JAM2: variants seen among roughly 807,000 people sequenced by gnomAD.
The protein encoded by JAM2 is junctional adhesion molecule 2.
JAM2 carries 17 observed loss-of-function variants against 42.0 expected under a neutral mutation model. The observed-to-expected ratio is 0.40, with a 90% CI of 0.28 to 0.61. The LOEUF is 0.61. Among genes scored for constraint, JAM2 ranks in the 20% least tolerant of loss-of-function variants. The pLI is 0.37. For missense variants in JAM2, 319 were observed against 358.3 expected, an observed-to-expected ratio of 0.89 and a Z score of 0.89; for synonymous variants, 118 against 128.6, an observed-to-expected ratio of 0.92 and a Z score of 0.56.
rs569678266 is a variant in JAM2 at position 25,712,226 on chromosome 21, T to C, written c.822-114T>C. The stretch of plus-strand genomic sequence containing the variant: ...TGTCTTTTTTTCTACCTAAGATATA[T>C]GTTCATGTTCTTGCTGAGAAAATGT... On this transcript the variant is annotated intron_variant, in intron 8 of 9. Transcript: ENST00000480456. 38 of 752,154 alleles carry C rather than the reference T, an allele frequency of 5.1e-5. No homozygotes were observed. The African/African-American group carries it at 6.3e-4, about 13-fold the overall frequency. The allele number at this position is 752,154 out of a possible 1,614,324, so 46.6% of individuals were successfully genotyped here.
chr21:25,706,164 G>C (rs1292085679), intron 7 of JAM2, 78 bp downstream of exon 7: 6 of 958,576 alleles, frequency 6.3e-6, no homozygotes, highest in Non-Finnish European at 1.0e-5. Context: ...GTTTCTCCTA[G>C]GAAGTTGTTT....
In JAM2 at chr21:25,657,039, C is replaced by T. The variant is rs143277594; in HGVS notation, c.67+17151C>T. 2.2e-3 allele frequency among the ~76,000 whole-genome samples: 334 copies of T among 152,186 alleles called. 3 individuals are homozygous for T. The highest frequency in any genetic ancestry group is 7.6e-3 in the African/African-American group (315 of 41,514). On this transcript the variant is annotated intron_variant, in intron 1 of 9. Transcript: ENST00000480456. ...AACACTTCTTTTATAGAGCAGTTAT[C>T]CCACTTATATGAATATTGAATACAA...
chr21:25,693,887 A>G lies in JAM2; in HGVS notation c.373A>G (p.Thr125Ala). 2 of 1,614,206 alleles carry G rather than the reference A, an allele frequency of 1.2e-6. No homozygotes were observed. Among genetic ancestry groups the G allele is most frequent in the East Asian group, 2.2e-5 (1 of 44,882 alleles). The change falls in exon 4 of 10, where the codon ACA becomes GCA. Residue 125 changes from threonine (T) to alanine (A), a missense_variant. By Grantham distance (58) the Thr-to-Ala change is moderately conservative (BLOSUM62 0). Coordinates refer to ENST00000480456, the MANE Select transcript of JAM2 (RefSeq NM_021219.4). Reference sequence around the variant, plus strand: ...GCAAGGCCAAAACCTGGAAGAGGATACAGTCACTCTGGAAGTATTAGGTGA... The same window carrying G: ...GCAAGGCCAAAACCTGGAAGAGGATGCAGTCACTCTGGAAGTATTAGGTGA... The part of the protein sequence containing the change: ...SEQGQNLEED[T>A]VTLEVLVAPA...
intron 1 of JAM2, among the ~76,000 whole-genome samples, chr21:25,680,399 C>CAG (rs2033601432): frequency 6.6e-6 from 1 of 152,190 alleles, no homozygotes; most frequent in South Asian, 2.1e-4. Flanking sequence ...ATGGATGACT[C>CAG]ACAATTCTTA....
rs373679129 is a variant in JAM2, at chr21:25,640,519, G to T, written c.67+631G>T. Among the ~76,000 whole-genome samples the T allele has an allele frequency of 3.1e-3, 475 of 152,344 alleles. 2 individuals carry two copies. The highest frequency in any genetic ancestry group is 0.011 in the African/African-American group (453 of 41,586). On this transcript the variant is annotated intron_variant, in intron 1 of 9. Transcript: ENST00000480456. ...GTCCTCAGGGGACATCCAACGGGAC[G>T]ATTGTTAGAAAGATTCAGAAGCCAC... is the stretch of plus-strand genomic sequence containing the variant.
intron 1 of JAM2, among the ~76,000 whole-genome samples, chr21:25,660,438 C>T (rs1241759004): frequency 1.3e-5 from 2 of 152,048 alleles, no homozygotes; most frequent in Non-Finnish European, 1.5e-5. Context: ...TTACTTCCCC[C>T]AGGGGGTACT....
intron 1 of JAM2, among the ~76,000 whole-genome samples, chr21:25,648,450 T>TTGTGTG (rs61479815): frequency 0.18 from 26,400 of 148,352 alleles, 2,403 homozygotes; most frequent in South Asian, 0.29. Context: ...TGCCGTGTGT[T>TTGTGTG]TGTGTGTGTG....
intron 1 of JAM2, among the ~76,000 whole-genome samples, chr21:25,675,057 A>T (rs2123354121): frequency 6.6e-6 from 1 of 152,268 alleles, no homozygotes; most frequent in South Asian, 2.1e-4. Context: ...CAGGCTGTAC[A>T]GGAAGCATAG....
Position 25,640,020 on chromosome 21 carries a change from C to A in JAM2, c.67+132C>A, listed in dbSNP as rs190485500. On this transcript the variant is annotated intron_variant, in intron 1 of 9. Transcript: ENST00000480456. ...GGTCGCCGCGGGGCGTCTGACCTTG[C>A]GCCCAGGCGAGCGGGAAACCCAGGG... 6.9e-6 allele frequency: 4 copies of A among 581,520 alleles called. No homozygotes were observed. In the East Asian group the frequency reaches 1.4e-4, roughly 20 times the overall value. The allele number at this position is 581,520 out of a possible 1,614,324, so 36.0% of individuals were successfully genotyped here.
At chr21:25,696,353 C>G (rs1008695217) in intron 4 of JAM2, among the ~76,000 whole-genome samples, 137 of 152,146 alleles carry the variant, frequency 9.0e-4, no homozygotes, top group African/African-American at 2.6e-3. Flanking sequence ...GTCCAGCTTC[C>G]GCTCGGCATC....
intron 7 of JAM2, 85 bp downstream of exon 7, chr21:25,706,171 GT>G: frequency 6.6e-6 from 6 of 909,036 alleles, no homozygotes; most frequent in Non-Finnish European, 1.1e-5. Context: ...CTAGGAAGTT[GT>G]TTTTTTGTTT....
At chr21:25,657,604 G>T (rs1483474552) in intron 1 of JAM2, among the ~76,000 whole-genome samples, 5 of 152,064 alleles carry the variant, frequency 3.3e-5, no homozygotes, top group Non-Finnish European at 5.9e-5. Context: ...TAAATAAAAT[G>T]GAACTAGAGT....
intron 1 of JAM2, among the ~76,000 whole-genome samples, chr21:25,677,187 T>C (rs949174509): frequency 1.3e-5 from 2 of 151,756 alleles, no homozygotes; most frequent in South Asian, 4.2e-4. Context: ...CCCTTAAATT[T>C]ATACACACAA....
At chr21:25,648,748 A>T (rs1278567057) in intron 1 of JAM2, among the ~76,000 whole-genome samples, 1 of 152,036 alleles carries the variant, frequency 6.6e-6, no homozygotes, top group South Asian at 2.1e-4. Flanking sequence ...CAATTTTTCC[A>T]TGTATATCTC....
At chr21:25,659,754 GA>G (rs1487119612) in intron 1 of JAM2, among the ~76,000 whole-genome samples, 1 of 152,228 alleles carries the variant, frequency 6.6e-6, no homozygotes, top group Non-Finnish European at 1.5e-5. Flanking sequence ...ATACATGCCT[GA>G]AAAAATTAAA....
intron 8 of JAM2, chr21:25,712,128 C>A: frequency 1.7e-6 from 1 of 581,378 alleles, no homozygotes; most frequent in South Asian, 1.8e-5. Context: ...GTGCACAAGG[C>A]TTCACACTGA....
chr21:25,645,767 G>A (rs1487252511), intron 1 of JAM2, among the ~76,000 whole-genome samples: 2 of 152,128 alleles, frequency 1.3e-5, no homozygotes, highest in Admixed American at 6.5e-5. Flanking sequence ...GCACACCAAG[G>A]CTATATGGTG....
intron 3 of JAM2, 137 bp from the exon 4 acceptor site, chr21:25,693,619 C>T: frequency 1.3e-6 from 1 of 745,858 alleles, no homozygotes; most frequent in Non-Finnish European, 2.1e-6. Flanking sequence ...CATCTATATA[C>T]AACTTTTAGG....
In JAM2 at chr21:25,669,876, A is replaced by G. The variant is rs372239640; in HGVS notation, c.68-14007A>G. 5.4e-4 allele frequency among the ~76,000 whole-genome samples: 83 copies of G among 152,334 alleles called. No homozygotes were observed. The South Asian group carries it at 0.017, about 30-fold the overall frequency. Reference sequence around the variant, plus strand: ...TGTCTTTTATTTAATTTTAGATGATACTTACTCAAAAAGCCAAGCTGCTGA... The same window carrying G: ...TGTCTTTTATTTAATTTTAGATGATGCTTACTCAAAAAGCCAAGCTGCTGA... On this transcript the variant is annotated intron_variant, in intron 1 of 9. Coordinates refer to ENST00000480456, the MANE Select transcript of JAM2 (RefSeq NM_021219.4).
Sources: allele counts gnomAD v4.1 joint callset (sites outside exome capture counted in the v4.1 genomes callset), GRCh38; gene constraint gnomAD v4.1.1; transcripts MANE v1.5; gene names NCBI Gene and HGNC (gene_info 2026-07-23, HGNC 2026-07-21).